MICAL3: variants seen among roughly 807,000 people sequenced by gnomAD.
The protein encoded by MICAL3 is microtubule associated monooxygenase, calponin and LIM domain containing 3.
In MICAL3, 62 loss-of-function variants were observed where a neutral mutation model predicts 207.4. The observed-to-expected ratio is 0.30, with a 90% CI of 0.24 to 0.37. The LOEUF (loss-of-function observed/expected upper bound fraction) is 0.37, where lower values mean the gene tolerates loss of function less well. MICAL3 is among the 10% of genes least tolerant of loss of function. The pLI is 1.00. For synonymous variants in MICAL3, 1,077 were observed against 1,069.3 expected (o/e 1.01, Z -0.14); for missense variants, 2,368 against 2,635.6 (o/e 0.90, Z 2.22).
At chr22:18,019,805 GATTTTTTT>G (rs1346408813) in intron 1 of MICAL3, 8 of 128,274 alleles carry the variant, frequency 6.2e-5, no homozygotes, top group Non-Finnish European at 1.2e-4. Flanking sequence ...GAATGCTGCT[GATTTTTTT>G]TTTTTTTTTT....
intron 1 of MICAL3, chr22:18,005,440 T>G (rs867106344): frequency 7.9e-5 from 12 of 152,164 alleles, no homozygotes; most frequent in African/African-American, 2.2e-4. Flanking sequence ...TCCATTGCAA[T>G]TCCTGCCCCC....
chr22:17,941,753 C>G (rs1378893192), intron 1 of MICAL3, among the ~76,000 whole-genome samples: 3 of 152,192 alleles, frequency 2.0e-5, no homozygotes, highest in African/African-American at 7.2e-5. Context: ...TCATTAGAAT[C>G]ACTGACGAAC....
At chr22:17,965,161 C>A (rs974804135) in intron 1 of MICAL3, among the ~76,000 whole-genome samples, 1 of 112,144 alleles carries the variant, frequency 8.9e-6, no homozygotes, top group Non-Finnish European at 1.7e-5. Context: ...CCAGCCTGGG[C>A]AACACAGTGA....
Position 17,881,549 on chromosome 22 carries a change from C to CA in MICAL3, c.2241+4328dup, listed in dbSNP as rs976557638. Among the ~76,000 whole-genome samples, 9 of 145,412 alleles carry CA rather than the reference C, an allele frequency of 6.2e-5. 1 individual carries two copies. Among genetic ancestry groups the CA allele is most frequent in the Middle Eastern group, 6.8e-3 (2 of 292 alleles). On this transcript the variant is annotated intron_variant, in intron 16 of 31. Transcript: ENST00000441493. ...GGAGAACCAGCGGTGCAGCACTTTC[C>CA]AGGTGCCAGGGAGCAACAGTTTTCT...
At chr22:17,813,807 T>C (rs1474815768) in intron 27 of MICAL3, 1 of 152,140 alleles carries the variant, frequency 6.6e-6, no homozygotes, top group Non-Finnish European at 1.5e-5. Flanking sequence ...TGAATCTGGA[T>C]GCGGGGTGGC....
rs1922347698 is a variant in MICAL3 at position 17,827,662 on chromosome 22, C to G, written c.3175G>C (p.Glu1059Gln). ...TGTTTACCTCCGGAAGCAGAGGACTCAGAGGCCGGCGCCATCCTCTCTTCC... is the reference window on the plus strand; with the variant it reads ...TGTTTACCTCCGGAAGCAGAGGACTGAGAGGCCGGCGCCATCCTCTCTTCC... ...EEEERMAPASESSASGAPLDE... is the reference protein window; with the variant it reads ...EEEERMAPASQSSASGAPLDE... Residue 1059 changes from glutamate (E) to glutamine (Q), a missense_variant, in exon 22 of 32, where the codon GAG becomes CAG. Transcript: ENST00000441493. 1.9e-6 allele frequency: 3 copies of G among 1,573,572 alleles called. No homozygotes were observed. Among genetic ancestry groups the G allele is most frequent in the African/African-American group, 1.4e-5 (1 of 73,964 alleles).
chr22:17,872,074 A>G, intron 16 of MICAL3, 51 bp from the exon 17 acceptor site: 2 of 1,492,246 alleles, frequency 1.3e-6, no homozygotes. Context: ...GGAGTGCCAC[A>G]CAGGCCCTCC....
At chr22:17,878,663 A>G (rs1383795404) in intron 16 of MICAL3, among the ~76,000 whole-genome samples, 4 of 152,124 alleles carry the variant, frequency 2.6e-5, no homozygotes, top group Non-Finnish European at 5.9e-5. Flanking sequence ...CCACTTGGAG[A>G]TCTTTAAGGG....
At chr22:17,865,543 T>C (rs1366894550) in intron 18 of MICAL3, among the ~76,000 whole-genome samples, 2 of 152,104 alleles carry the variant, frequency 1.3e-5, no homozygotes. Flanking sequence ...CTCCCAACAG[T>C]CTCCTCTCCC....
At chr22:17,890,511 C>T (rs1930312295) in intron 12 of MICAL3, among the ~76,000 whole-genome samples, 2 of 152,154 alleles carry the variant, frequency 1.3e-5, no homozygotes, top group South Asian at 4.1e-4. Context: ...TTTTTACTTA[C>T]TTGCTATCAA....
At chr22:17,825,617 C>A (rs1041550765) in intron 22 of MICAL3, among the ~76,000 whole-genome samples, 1 of 152,300 alleles carries the variant, frequency 6.6e-6, no homozygotes, top group African/African-American at 2.4e-5. Context: ...TGAAGCCCCA[C>A]GAGCTCCCAT....
At chr22:17,876,222 C>T (rs1928321356) in intron 16 of MICAL3, among the ~76,000 whole-genome samples, 1 of 152,210 alleles carries the variant, frequency 6.6e-6, no homozygotes, top group African/African-American at 2.4e-5. Flanking sequence ...GCCGTGGGCC[C>T]ATGCAGCTAG....
chr22:17,967,450 C>T (rs1425935772), intron 1 of MICAL3, among the ~76,000 whole-genome samples: 4 of 138,972 alleles, frequency 2.9e-5, no homozygotes, highest in Non-Finnish European at 6.1e-5. Flanking sequence ...GGCCACTGGG[C>T]AGTGTACATG....
At chr22:17,858,675 C>G (rs1338476704) in intron 19 of MICAL3, among the ~76,000 whole-genome samples, 2 of 152,160 alleles carry the variant, frequency 1.3e-5, no homozygotes, top group Admixed American at 1.3e-4. Context: ...ATTAGGGAAA[C>G]TGACAGGGAA....
intron 29 of MICAL3, among the ~76,000 whole-genome samples, chr22:17,806,087 G>T (rs547909329): frequency 1.3e-5 from 2 of 152,302 alleles, no homozygotes; most frequent in East Asian, 3.9e-4. Context: ...AATAATTTGT[G>T]CTGCCAGGTG....
At chr22:18,011,597 G>A (rs895591505) in intron 1 of MICAL3, among the ~76,000 whole-genome samples, 24 of 150,820 alleles carry the variant, frequency 1.6e-4, no homozygotes, top group Admixed American at 1.1e-3. Context: ...AAGGCCAGGC[G>A]CGGTGGCTCA....
chr22:17,849,908 G>A (rs920817692), intron 19 of MICAL3, among the ~76,000 whole-genome samples: 10 of 151,960 alleles, frequency 6.6e-5, no homozygotes, highest in South Asian at 6.2e-4. Context: ...GGCCAGGCTG[G>A]TCTCGAACTC....
At chr22:17,854,053 C>A (rs531770307) in intron 19 of MICAL3, among the ~76,000 whole-genome samples, 1 of 152,308 alleles carries the variant, frequency 6.6e-6, no homozygotes, top group Non-Finnish European at 1.5e-5. Context: ...TCCTGATGGC[C>A]TCCTCTACCC....
chr22:17,822,114 G>C lies in MICAL3; in HGVS notation c.3364C>G (p.Pro1122Ala), dbSNP rs1282048363. 23 of 1,613,714 alleles carry C rather than the reference G, an allele frequency of 1.4e-5. No homozygotes were observed. The highest frequency in any genetic ancestry group is 1.9e-5 in the Non-Finnish European group (22 of 1,179,898). Residue 1122 changes from proline to alanine, a missense_variant, in exon 24 of 32, where the codon CCA becomes GCA. This residue lies in a region of MICAL3 where 1,770 missense variants were observed against 1,863.2 expected (regional missense o/e 0.95). Coordinates refer to ENST00000441493, the MANE Select transcript of MICAL3 (RefSeq NM_015241.3). ...DADRELRLPC[P>A]AEGEAELELR... ...TCCAGCTCTGCTTCCCCCTCAGCTG[G>C]GCACGGCAAACGCAGCTCTCTGTCA...
Sources: allele counts gnomAD v4.1 joint callset (sites outside exome capture counted in the v4.1 genomes callset), GRCh38; gene constraint gnomAD v4.1.1; regional missense constraint gnomAD v4.1.1; transcripts MANE v1.5; gene names NCBI Gene and HGNC (gene_info 2026-07-23, HGNC 2026-07-21).